Variants in ST6GAL2 observed in about 807,000 individuals in gnomAD.
The protein encoded by ST6GAL2 is beta-galactoside alpha-2,6-sialyltransferase 2.
A neutral mutation model predicts 37.5 loss-of-function variants in ST6GAL2; 24 were observed. That is an observed-to-expected ratio of 0.64 (90% CI 0.46 to 0.90). The LOEUF is 0.90. Ranked by LOEUF, ST6GAL2 falls within the 40% of genes least tolerant of loss-of-function variation. ST6GAL2 has a pLI of 0.00. For missense variants in ST6GAL2, 715 were observed against 712.7 expected (o/e 1.00, Z -0.04); for synonymous variants, 306 against 295.1 (o/e 1.04, Z -0.38).
chr2:106,811,133 CTGT>C (rs1302042819), intron 5 of ST6GAL2, among the ~76,000 whole-genome samples: 37 of 151,750 alleles, frequency 2.4e-4, no homozygotes, highest in Non-Finnish European at 4.7e-4. Flanking sequence ...TTCTTTAAGG[CTGT>C]TGTTATACAT....
rs149764818 is a variant in ST6GAL2, at chr2:106,865,781, G to A, written c.-58+20312C>T. On this transcript the variant is annotated intron_variant, in intron 1 of 5. Coordinates refer to ENST00000409382, the MANE Select transcript of ST6GAL2 (RefSeq NM_001142351.2). ...GTTGCCCACACTTAAAGGGATGTGG[G>A]ACTGGAATTCAGGCCTTATACTTTT... 2.6e-3 allele frequency among the ~76,000 whole-genome samples: 390 copies of A among 152,316 alleles called. 2 individuals carry two copies. Among genetic ancestry groups the A allele is most frequent in the African/African-American group, 9.1e-3 (379 of 41,558 alleles).
At chr2:106,855,754 T>C (rs1216929095) in intron 1 of ST6GAL2, among the ~76,000 whole-genome samples, 1 of 152,248 alleles carries the variant, frequency 6.6e-6, no homozygotes, top group Non-Finnish European at 1.5e-5. Flanking sequence ...TAATAAAAGT[T>C]GTAAAAAGTT....
chr2:106,837,528 G>A (rs977552475), intron 2 of ST6GAL2, among the ~76,000 whole-genome samples: 1 of 152,186 alleles, frequency 6.6e-6, no homozygotes, highest in Non-Finnish European at 1.5e-5. Context: ...TGTTCCCACT[G>A]CTAAGCTAGG....
intron 5 of ST6GAL2, among the ~76,000 whole-genome samples, chr2:106,810,842 C>A (rs1675579942): frequency 2.6e-5 from 4 of 152,148 alleles, no homozygotes; most frequent in Admixed American, 2.6e-4. Context: ...GTCGCAGCTA[C>A]TCAAGAGGCT....
At position 106,881,019 on chromosome 2, in the gene ST6GAL2, TCTGTCACCCAGG is replaced by T. The variant is rs200721789; in HGVS notation, c.-58+5062_-58+5073del. Reference sequence around the variant, plus strand: ...TTTATTTTCTGAGATAGGGTCTCACTCTGTCACCCAGGCTGGAGTGCAACAGAGTGATCATGA... The same window carrying T: ...TTTATTTTCTGAGATAGGGTCTCACTCTGGAGTGCAACAGAGTGATCATGA... On this transcript the variant is annotated intron_variant, in intron 1 of 5. Coordinates refer to ENST00000409382, the MANE Select transcript of ST6GAL2 (RefSeq NM_001142351.2). Among the ~76,000 whole-genome samples, 1,233 of 152,334 alleles carry T rather than the reference TCTGTCACCCAGG, an allele frequency of 8.1e-3. 11 individuals are homozygous for T. The highest frequency in any genetic ancestry group is 0.027 in the Middle Eastern group (8 of 294).
chr2:106,874,041 C>A (rs987861184), intron 1 of ST6GAL2, among the ~76,000 whole-genome samples: 6 of 152,176 alleles, frequency 3.9e-5, no homozygotes, highest in African/African-American at 1.4e-4. Context: ...TAGATCCATC[C>A]ATTTGACATA....
intron 5 of ST6GAL2, among the ~76,000 whole-genome samples, chr2:106,811,989 T>G (rs534075877): frequency 6.6e-6 from 1 of 152,152 alleles, no homozygotes; most frequent in Admixed American, 6.5e-5. Context: ...CAGCAATGAG[T>G]TGTGACCACT....
intron 4 of ST6GAL2, among the ~76,000 whole-genome samples, chr2:106,831,673 T>C (rs940506088): frequency 2.6e-5 from 4 of 152,164 alleles, no homozygotes; most frequent in Non-Finnish European, 5.9e-5. Context: ...GAATTGTAAG[T>C]AATCATATGA....
At chr2:106,840,607 A>G (rs559061766) in intron 2 of ST6GAL2, among the ~76,000 whole-genome samples, 89 of 152,376 alleles carry the variant, frequency 5.8e-4, no homozygotes, top group Non-Finnish European at 1.1e-3. Context: ...AGTTCTAATC[A>G]TAAAGGCTCA....
intron 5 of ST6GAL2, among the ~76,000 whole-genome samples, chr2:106,814,441 T>C (rs1213180924): frequency 1.3e-5 from 2 of 151,936 alleles, no homozygotes; most frequent in East Asian, 3.9e-4. Context: ...TGTTTGCACC[T>C]GTAAGCTTCA....
rs1676801711 is a variant in ST6GAL2 at position 106,839,808 on chromosome 2, C to T, written c.943+3227G>A. ...GAATGCTAGTAGCACTGCATAGAAG[C>T]AAATTATTATTGCTTATATGCATGG... On this transcript the variant is annotated intron_variant, in intron 2 of 5. Transcript: ENST00000409382. Among the ~76,000 whole-genome samples, 5 of 152,258 alleles carry T rather than the reference C, an allele frequency of 3.3e-5. No individual in the cohort carries two copies. The South Asian group carries it at 1.0e-3, about 32-fold the overall frequency.
At chr2:106,862,532 A>C (rs890083969) in intron 1 of ST6GAL2, among the ~76,000 whole-genome samples, 1 of 152,230 alleles carries the variant, frequency 6.6e-6, no homozygotes, top group African/African-American at 2.4e-5. Flanking sequence ...TCGAAGAAAA[A>C]AAATACCCTA....
intron 1 of ST6GAL2, among the ~76,000 whole-genome samples, chr2:106,847,969 T>C (rs1677207772): frequency 6.6e-6 from 1 of 152,046 alleles, no homozygotes; most frequent in Non-Finnish European, 1.5e-5. Context: ...TAATCTCCAG[T>C]GCCACTCTTC....
chr2:106,853,238 A>G (rs560316028), intron 1 of ST6GAL2, among the ~76,000 whole-genome samples: 22 of 152,336 alleles, frequency 1.4e-4, no homozygotes, highest in Non-Finnish European at 1.3e-4. Context: ...GTTAGGCTTT[A>G]CAATCCATAC....
chr2:106,847,954 G>T (rs899273411), intron 1 of ST6GAL2, among the ~76,000 whole-genome samples: 3 of 151,938 alleles, frequency 2.0e-5, no homozygotes, highest in Non-Finnish European at 4.4e-5. Flanking sequence ...CCATGTGAGT[G>T]AACTTAATCT....
At chr2:106,875,957 C>A (rs958979956) in intron 1 of ST6GAL2, among the ~76,000 whole-genome samples, 3 of 152,114 alleles carry the variant, frequency 2.0e-5, no homozygotes, top group Non-Finnish European at 4.4e-5. Flanking sequence ...AAATTAAACT[C>A]AGTTAGTAGA....
chr2:106,884,749 C>A (rs1191767220), intron 1 of ST6GAL2, among the ~76,000 whole-genome samples: 3 of 151,798 alleles, frequency 2.0e-5, no homozygotes, highest in African/African-American at 7.2e-5. Flanking sequence ...CCAACAGTTT[C>A]TTTTAATGCA....
chr2:106,872,005 T>C (rs1342449329), intron 1 of ST6GAL2, among the ~76,000 whole-genome samples: 1 of 152,278 alleles, frequency 6.6e-6, no homozygotes, highest in Non-Finnish European at 1.5e-5. Flanking sequence ...TAGACTTTTC[T>C]ATGACTGGCA....
chr2:106,833,125 C>T (rs1273067984), intron 3 of ST6GAL2, among the ~76,000 whole-genome samples: 1 of 152,144 alleles, frequency 6.6e-6, no homozygotes, highest in Non-Finnish European at 1.5e-5. Flanking sequence ...AGCTGCCAAT[C>T]ATCTTTTTAA....
Sources: allele counts gnomAD v4.1 joint callset (sites outside exome capture counted in the v4.1 genomes callset), GRCh38; gene constraint gnomAD v4.1.1; transcripts MANE v1.5; gene names NCBI Gene and HGNC (gene_info 2026-07-23, HGNC 2026-07-21).